Variants in SYT10 observed in about 807,000 individuals in gnomAD.
The protein encoded by SYT10 is synaptotagmin-10.
In SYT10, 31 loss-of-function variants were observed where a neutral mutation model predicts 51.1. That is an observed-to-expected ratio of 0.61 (90% confidence interval 0.46 to 0.82). The LOEUF (loss-of-function observed/expected upper bound fraction) is 0.82. Ranked by LOEUF, SYT10 falls within the 40% of genes least tolerant of loss-of-function variation. SYT10 has a pLI of 0.00. For synonymous variants in SYT10, 233 were observed against 225.9 expected (o/e 1.03, Z -0.28); for missense variants, 603 against 634.0 (o/e 0.95, Z 0.53).
intron 4 of SYT10, among the ~76,000 whole-genome samples, chr12:33,383,632 T>C (rs1866134571): frequency 2.0e-5 from 3 of 152,164 alleles, no homozygotes; most frequent in Admixed American, 2.0e-4. Flanking sequence ...AGCTTTGTGT[T>C]TGAGCCCACA....
At chr12:33,384,196 T>C (rs1014819440) in intron 4 of SYT10, among the ~76,000 whole-genome samples, 2 of 152,174 alleles carry the variant, frequency 1.3e-5, no homozygotes, top group African/African-American at 4.8e-5. Context: ...TTAATACAGA[T>C]ATTAGCAATA....
intron 1 of SYT10, 92 bp from the exon 2 acceptor site, chr12:33,426,587 T>G: frequency 2.7e-6 from 3 of 1,125,662 alleles, no homozygotes; most frequent in Admixed American, 7.0e-5. Context: ...TTGTTATTAT[T>G]TCCTGATTCA....
chr12:33,404,618 C>A (rs575730400), intron 3 of SYT10, among the ~76,000 whole-genome samples: 1 of 152,082 alleles, frequency 6.6e-6, no homozygotes, highest in Non-Finnish European at 1.5e-5. Context: ...GTCTTGAACT[C>A]TTGACCTCGT....
intron 2 of SYT10, among the ~76,000 whole-genome samples, chr12:33,418,377 C>G (rs1866473416): frequency 2.6e-5 from 4 of 152,112 alleles, no homozygotes; most frequent in African/African-American, 9.7e-5. Flanking sequence ...CCCATCTACT[C>G]TCAACTATTT....
chr12:33,387,104 C>A (rs1413563924), intron 3 of SYT10, among the ~76,000 whole-genome samples: 1 of 152,112 alleles, frequency 6.6e-6, no homozygotes, highest in African/African-American at 2.4e-5. Flanking sequence ...GCACCCAGGT[C>A]CACAGAGCTG....
chr12:33,428,322 G>A (rs1305949355), intron 1 of SYT10, among the ~76,000 whole-genome samples: 1 of 152,170 alleles, frequency 6.6e-6, no homozygotes, highest in Admixed American at 6.5e-5. Flanking sequence ...GAAGATAAAT[G>A]TTCCTCAACA....
intron 2 of SYT10, among the ~76,000 whole-genome samples, chr12:33,421,406 T>C (rs1866503748): frequency 1.3e-5 from 2 of 152,214 alleles, no homozygotes; most frequent in Non-Finnish European, 2.9e-5. Context: ...CAACAAATTA[T>C]TTTGCCAGTT....
chr12:33,394,581 C>G (rs552184053), intron 3 of SYT10, among the ~76,000 whole-genome samples: 1 of 152,056 alleles, frequency 6.6e-6, no homozygotes, highest in Non-Finnish European at 1.5e-5. Context: ...AAACATTTTA[C>G]GTTTATTATC....
chr12:33,431,061 AT>A (rs1866592894), intron 1 of SYT10, among the ~76,000 whole-genome samples: 1 of 152,132 alleles, frequency 6.6e-6, no homozygotes, highest in Non-Finnish European at 1.5e-5. Context: ...TTTGTTTTAC[AT>A]TTTTGCTCTA....
At chr12:33,404,775 C>G (rs986984556) in intron 3 of SYT10, 6 of 152,048 alleles carry the variant, frequency 3.9e-5, no homozygotes, top group African/African-American at 1.5e-4. Flanking sequence ...TATTTCTAAC[C>G]AAACTGTAAA....
chr12:33,414,882 A>G (rs2138422648), intron 2 of SYT10, among the ~76,000 whole-genome samples: 1 of 152,348 alleles, frequency 6.6e-6, no homozygotes, highest in African/African-American at 2.4e-5. Flanking sequence ...GCACTGGAAT[A>G]TAATGTATTA....
intron 2 of SYT10, among the ~76,000 whole-genome samples, 167 bp downstream of exon 2, chr12:33,425,971 C>T (rs1402817779): frequency 6.6e-6 from 1 of 151,766 alleles, no homozygotes; most frequent in Non-Finnish European, 1.5e-5. Context: ...CCTACCCTTT[C>T]TCTCTTTATT....
intron 3 of SYT10, among the ~76,000 whole-genome samples, chr12:33,401,276 T>C (rs1591987981): frequency 2.0e-5 from 3 of 152,304 alleles, no homozygotes; most frequent in Admixed American, 1.3e-4. Flanking sequence ...TATGTATTTC[T>C]CCTTTACATT....
chr12:33,388,960 G>A (rs1410369898), intron 3 of SYT10, among the ~76,000 whole-genome samples: 5 of 152,200 alleles, frequency 3.3e-5, no homozygotes, highest in African/African-American at 1.2e-4. Flanking sequence ...GAGATGGAGA[G>A]AAGGCAGATT....
In SYT10 at chr12:33,428,907, GAA is replaced by G. The variant is rs142029382; in HGVS notation, c.152-2414_152-2413del. Among the ~76,000 whole-genome samples, 76 of 95,410 alleles carry G rather than the reference GAA, an allele frequency of 8.0e-4. 1 individual carries two copies. Among genetic ancestry groups the G allele is most frequent in the East Asian group, 3.6e-3 (15 of 4,116 alleles). 62.6% of individuals were successfully genotyped at this position (95,410 alleles called of 152,430 possible). On this transcript the variant is annotated intron_variant, in intron 1 of 6. Coordinates refer to ENST00000228567, the MANE Select transcript of SYT10 (RefSeq NM_198992.4). Reference sequence around the variant, plus strand: ...GGTGACAGAGTGAGACTCTGCTTCAGAAAAAAAAAAAAAAAAAGACTGGCAGT... The same window carrying G: ...GGTGACAGAGTGAGACTCTGCTTCAGAAAAAAAAAAAAAAAGACTGGCAGT...
chr12:33,434,360 T>A (rs79434188), intron 1 of SYT10, among the ~76,000 whole-genome samples: 2,167 of 152,344 alleles, frequency 0.014, 26 homozygotes, highest in Middle Eastern at 0.034. Context: ...TATAGGATAT[T>A]GTATTAGATA....
At position 33,426,506 on chromosome 12, in the gene SYT10, T is replaced by C. The variant is rs1331016097; in HGVS notation, c.152-11A>G. ...GGCTGACTGAAATATCTGGAAAAAT[T>C]ACAATGTAAAAATGATTAATTAATA... On this transcript the variant is annotated splice_polypyrimidine_tract_variant and intron_variant, in intron 1 of 6. Coordinates refer to ENST00000228567, the MANE Select transcript of SYT10 (RefSeq NM_198992.4). The C allele has an allele frequency of 3.9e-6, 6 of 1,544,112 alleles. No individual in the cohort carries two copies. The East Asian group carries it at 9.2e-5, about 24-fold the overall frequency.
At chr12:33,381,005 T>C (rs1336407501) in intron 5 of SYT10, among the ~76,000 whole-genome samples, 2 of 152,186 alleles carry the variant, frequency 1.3e-5, no homozygotes, top group African/African-American at 2.4e-5. Context: ...ACAAAAATTT[T>C]GTCTTCCTGT....
intron 2 of SYT10, among the ~76,000 whole-genome samples, chr12:33,413,813 G>A (rs1482591919): frequency 6.6e-6 from 1 of 152,138 alleles, no homozygotes; most frequent in African/African-American, 2.4e-5. Context: ...ATAATGACAG[G>A]ATCAAATTCA....
Sources: gnomAD v4.1 joint callset for allele counts (sites outside exome capture counted in the v4.1 genomes callset) on GRCh38, gnomAD v4.1.1 for gene constraint, MANE v1.5 for transcripts, NCBI Gene and HGNC (gene_info 2026-07-23, HGNC 2026-07-21) for gene names.